KAZN: variants seen among roughly 807,000 people sequenced by gnomAD.
KAZN encodes kazrin, periplakin interacting protein.
KAZN carries 40 observed loss-of-function variants against 87.4 expected under a neutral mutation model. The ratio of observed to expected loss-of-function variants is 0.46; its 90% CI spans 0.36 to 0.60. KAZN has a LOEUF of 0.60. Among genes scored for constraint, KAZN ranks in the 20% least tolerant of loss-of-function variants. The pLI is 0.00. For synonymous variants in KAZN, 466 were observed against 458.3 expected (o/e 1.02, Z -0.22); for missense variants, 898 against 1,073.9 (o/e 0.84, Z 2.29).
At chr1:14,439,961 G>A (rs751123433) in intron 2 of KAZN, among the ~76,000 whole-genome samples, 2 of 151,932 alleles carry the variant, frequency 1.3e-5, no homozygotes, top group Non-Finnish European at 2.9e-5. Flanking sequence ...TCCCAACCAC[G>A]TCCCACCCCC....
chr1:14,506,217 T>C (rs1167530764), intron 2 of KAZN, among the ~76,000 whole-genome samples: 3 of 152,214 alleles, frequency 2.0e-5, no homozygotes, highest in Non-Finnish European at 4.4e-5. Context: ...GGTTATTCTC[T>C]TTGCTTAAGA....
At chr1:14,115,003 C>A (rs1644584057) in intron 1 of KAZN, among the ~76,000 whole-genome samples, 1 of 152,224 alleles carries the variant, frequency 6.6e-6, no homozygotes. Context: ...GCCACTGCTC[C>A]TGTGCTGGCT....
At chr1:14,692,031 G>A (rs1641344534) in intron 1 of KAZN, 1 of 215,276 alleles carries the variant, frequency 4.6e-6, no homozygotes, top group Non-Finnish European at 9.6e-6. Context: ...TATACTACCT[G>A]AACACACAGT....
intron 1 of KAZN, among the ~76,000 whole-genome samples, chr1:14,700,599 AAT>A (rs1159767015): frequency 2.0e-5 from 3 of 152,310 alleles, no homozygotes; most frequent in Non-Finnish European, 2.9e-5. Flanking sequence ...GGAGAAAACA[AAT>A]ATTGTAGTGA....
chr1:14,479,042 T>A (rs968715578), intron 2 of KAZN, among the ~76,000 whole-genome samples: 15 of 152,222 alleles, frequency 9.9e-5, no homozygotes, highest in African/African-American at 2.9e-4. Flanking sequence ...CTCCAGCAAC[T>A]GTCCATCTGA....
At chr1:15,034,916 C>T (rs1430747115) in intron 3 of KAZN, 31 bp downstream of exon 3, 1 of 1,609,592 alleles carries the variant, frequency 6.2e-7, no homozygotes, top group Non-Finnish European at 8.5e-7. Flanking sequence ...CCCCTCCCCT[C>T]CCGACACACC....
intron 1 of KAZN, among the ~76,000 whole-genome samples, chr1:14,746,273 C>T (rs1481068104): frequency 3.3e-5 from 5 of 151,978 alleles, no homozygotes; most frequent in Admixed American, 6.6e-5. Context: ...CTCAAAAATG[C>T]AGGTGGAGTT....
At chr1:14,094,123 C>G (rs1644071004) in intron 1 of KAZN, among the ~76,000 whole-genome samples, 1 of 152,058 alleles carries the variant, frequency 6.6e-6, no homozygotes, top group South Asian at 2.1e-4. Context: ...AAGAGGGATT[C>G]TAGCTTTTAT....
chr1:14,864,448 G>C (rs568633679), intron 1 of KAZN, among the ~76,000 whole-genome samples: 27 of 152,270 alleles, frequency 1.8e-4, no homozygotes, highest in African/African-American at 6.0e-4. Context: ...TGTAATTCCA[G>C]CTACTCGGGA....
chr1:15,014,354 C>T (rs569444593), intron 2 of KAZN, among the ~76,000 whole-genome samples: 1 of 152,256 alleles, frequency 6.6e-6, no homozygotes, highest in South Asian at 2.1e-4. Context: ...GCCCACCTTG[C>T]AGGGTGCTTC....
intron 1 of KAZN, among the ~76,000 whole-genome samples, chr1:14,734,291 T>C (rs114268200): frequency 0.04 from 5,470 of 137,778 alleles, 293 homozygotes; most frequent in African/African-American, 0.14. Context: ...AGAGTCTGTG[T>C]TTTTCTTTTT....
chr1:13,915,109 A>C (rs1210516356), intron 1 of KAZN, among the ~76,000 whole-genome samples: 1 of 152,218 alleles, frequency 6.6e-6, no homozygotes, highest in Admixed American at 6.5e-5. Flanking sequence ...ACACACATGC[A>C]TGTGTATACG....
At chr1:14,403,024 G>A (rs1283314750) in intron 2 of KAZN, among the ~76,000 whole-genome samples, 2 of 151,948 alleles carry the variant, frequency 1.3e-5, no homozygotes, top group African/African-American at 2.4e-5. Flanking sequence ...ACGAGGTTTC[G>A]CCACATTGGT....
intron 2 of KAZN, among the ~76,000 whole-genome samples, chr1:14,339,342 C>A (rs998654525): frequency 4.6e-5 from 7 of 152,250 alleles, no homozygotes; most frequent in African/African-American, 1.7e-4. Flanking sequence ...TGAATTAAAT[C>A]TCTCCTATGT....
chr1:14,888,634 C>T (rs752428097), intron 1 of KAZN, among the ~76,000 whole-genome samples: 8 of 152,132 alleles, frequency 5.3e-5, no homozygotes, highest in Non-Finnish European at 8.8e-5. Context: ...ATGACCACCC[C>T]CTCTGAGCCC....
intron 8 of KAZN, chr1:15,067,200 A>G: frequency 1.0e-6 from 1 of 985,528 alleles, no homozygotes; most frequent in South Asian, 4.7e-5. Context: ...CACAGTGGGG[A>G]CACAGAGTCC....
At chr1:14,153,978 G>T (rs1338077028) in intron 1 of KAZN, among the ~76,000 whole-genome samples, 2 of 151,946 alleles carry the variant, frequency 1.3e-5, no homozygotes, top group African/African-American at 4.8e-5. Context: ...AATAGTTTTG[G>T]CCATTCTGGG....
chr1:14,290,505 G>A (rs927964235), intron 2 of KAZN, among the ~76,000 whole-genome samples: 5 of 152,142 alleles, frequency 3.3e-5, no homozygotes, highest in African/African-American at 1.2e-4. Flanking sequence ...TGTAGTTCTT[G>A]TGCCATGATT....
intron 1 of KAZN, among the ~76,000 whole-genome samples, chr1:14,940,978 C>T (rs1000300697): frequency 3.0e-5 from 4 of 135,026 alleles, no homozygotes; most frequent in Non-Finnish European, 6.1e-5. Flanking sequence ...TGCAGTGGTG[C>T]AATCTCGGCT....
Sources: allele counts gnomAD v4.1 joint callset (sites outside exome capture counted in the v4.1 genomes callset), GRCh38; gene constraint gnomAD v4.1.1; transcripts MANE v1.5; gene names NCBI Gene and HGNC (gene_info 2026-07-23, HGNC 2026-07-21).